SAE1: variants seen among roughly 807,000 people sequenced by gnomAD.
SAE1 encodes the protein SUMO-activating enzyme subunit 1.
Under a neutral mutation model 40.6 loss-of-function variants are expected in SAE1, and 11 were observed. The observed-to-expected ratio is 0.27, with a 90% confidence interval of 0.17 to 0.45. SAE1 has a LOEUF of 0.45. SAE1 is among the 20% of genes least tolerant of loss of function. The pLI, the probability that SAE1 is intolerant of heterozygous loss-of-function variation, is 1.00. For missense variants in SAE1, 373 were observed against 427.3 expected (o/e 0.87, Z 1.12); for synonymous variants, 155 against 154.3 (o/e 1.00, Z -0.03).
At position 47,136,398 on chromosome 19, in the gene SAE1, A is replaced by G. The variant is rs932837619; in HGVS notation, c.98+5370A>G. Reference sequence around the variant, plus strand: ...GGTGATTGGCCCTCCTTGGCCCCCCAAAGTGTTGCAATTACAGGCGTGAGC... The same window carrying G: ...GGTGATTGGCCCTCCTTGGCCCCCCGAAGTGTTGCAATTACAGGCGTGAGC... On this transcript the variant is annotated intron_variant, in intron 1 of 8. Transcript: ENST00000270225. Among the ~76,000 whole-genome samples the G allele has an allele frequency of 5.3e-5, 8 of 151,962 alleles. No individual in the cohort carries two copies. The South Asian group carries it at 6.2e-4, about 12-fold the overall frequency.
At chr19:47,196,333 CTTTTTTTTTTT>C (rs61498882) in intron 6 of SAE1, among the ~76,000 whole-genome samples, 1 of 27,882 alleles carries the variant, frequency 3.6e-5, no homozygotes, top group Non-Finnish European at 5.5e-5. Context: ...CCGCGCCTGG[CTTTTTTTTTTT>C]TTTTTTTTTT....
intron 8 of SAE1, among the ~76,000 whole-genome samples, chr19:47,207,810 AT>A (rs1297751981): frequency 6.6e-6 from 1 of 151,684 alleles, no homozygotes; most frequent in African/African-American, 2.4e-5. Context: ...AATTTTTTTT[AT>A]TTTTTGTAGA....
At chr19:47,142,345 C>G (rs1397182439) in intron 1 of SAE1, among the ~76,000 whole-genome samples, 2 of 150,338 alleles carry the variant, frequency 1.3e-5, no homozygotes, top group African/African-American at 4.9e-5. Context: ...GATCACGCCA[C>G]TGCACTCCAG....
intron 8 of SAE1, 131 bp downstream of exon 8, chr19:47,203,871 C>G (rs1600219815): frequency 1.3e-6 from 1 of 780,600 alleles, no homozygotes. Context: ...ATGCCCTCCC[C>G]ATTTCCACCT....
intron 4 of SAE1, among the ~76,000 whole-genome samples, chr19:47,153,895 C>T (rs972247305): frequency 1.3e-5 from 2 of 150,992 alleles, no homozygotes; most frequent in Non-Finnish European, 2.9e-5. Context: ...GGGTTCAAGC[C>T]ATTCTCCTGC....
chr19:47,181,103 G>C (rs2058503339), intron 6 of SAE1, among the ~76,000 whole-genome samples: 1 of 152,072 alleles, frequency 6.6e-6, no homozygotes, highest in African/African-American at 2.4e-5. Context: ...GATCACCTGA[G>C]GTCGGGAGTT....
chr19:47,150,198 C>G lies in SAE1; in HGVS notation c.211-4C>G. The G allele has an allele frequency of 1.3e-6, 2 of 1,564,690 alleles. No homozygotes were observed. Among genetic ancestry groups the G allele is most frequent in the South Asian group, 2.4e-5 (2 of 83,726 alleles). ...ACTTAAAAAAATATGTGTATTATTCCTAGGTAACTCCAGAAGATCCCGGAG... is the reference window on the plus strand; with the variant it reads ...ACTTAAAAAAATATGTGTATTATTCGTAGGTAACTCCAGAAGATCCCGGAG... On this transcript the variant is annotated splice_region_variant and splice_polypyrimidine_tract_variant and intron_variant, in intron 2 of 8. Transcript: ENST00000270225.
chr19:47,205,741 G>A (rs955529297), intron 8 of SAE1, among the ~76,000 whole-genome samples: 4 of 152,180 alleles, frequency 2.6e-5, no homozygotes, highest in African/African-American at 9.7e-5. Flanking sequence ...TGTTTTTTAC[G>A]TGGATACTCA....
chr19:47,139,848 G>A (rs1053107470), intron 1 of SAE1, among the ~76,000 whole-genome samples: 6 of 146,748 alleles, frequency 4.1e-5, no homozygotes, highest in Non-Finnish European at 6.0e-5. Context: ...TGATCTGCCC[G>A]CCTTGGCCTC....
At position 47,186,978 on chromosome 19, in the gene SAE1, C is replaced by T. The variant is rs569736382; in HGVS notation, c.734-10255C>T. On this transcript the variant is annotated intron_variant, in intron 6 of 8. Transcript: ENST00000270225. ...GGGCAAGGCCTGGGGCTGTCTGGGTCGCTTCTGGGTCCCCACCACAGCTAG... is the reference window on the plus strand; with the variant it reads ...GGGCAAGGCCTGGGGCTGTCTGGGTTGCTTCTGGGTCCCCACCACAGCTAG... 2.0e-5 allele frequency among the ~76,000 whole-genome samples: 3 copies of T among 152,252 alleles called. No individual in the cohort carries two copies. In the South Asian group the frequency reaches 6.2e-4, roughly 32 times the overall value.
rs376857109 is a variant in SAE1 at position 47,193,993 on chromosome 19, C to CT, written c.734-3230dup. Among the ~76,000 whole-genome samples the CT allele has an allele frequency of 1.4e-3, 212 of 148,852 alleles. 2 individuals are homozygous for CT. In the South Asian group the frequency reaches 0.019, roughly 13 times the overall value. On this transcript the variant is annotated intron_variant, in intron 6 of 8. Coordinates refer to ENST00000270225, the MANE Select transcript of SAE1 (RefSeq NM_005500.3). ...AGCATAGCCCAGAAGCAGGGTGTGTCTTTTTTTTTTACCTGGGCATCTGTG... is the reference window on the plus strand; with the variant it reads ...AGCATAGCCCAGAAGCAGGGTGTGTCTTTTTTTTTTTACCTGGGCATCTGTG...
rs1485687254 is a variant in SAE1 at position 47,154,113 on chromosome 19, G to A, written c.528-1001G>A. Among the ~76,000 whole-genome samples, 4 of 151,384 alleles carry A rather than the reference G, an allele frequency of 2.6e-5. No individual in the cohort carries two copies. In the South Asian group the frequency reaches 8.4e-4, roughly 32 times the overall value. ...CGGCTATTATTATTATTTTTGAGAC[G>A]GAGTTTTGCTTTTGTCACCCAGGCT... is the stretch of plus-strand genomic sequence containing the variant. On this transcript the variant is annotated intron_variant, in intron 4 of 8. Transcript: ENST00000270225.
intron 6 of SAE1, among the ~76,000 whole-genome samples, chr19:47,177,667 C>G (rs1220196136): frequency 2.0e-5 from 3 of 152,098 alleles, no homozygotes. Context: ...CTGCCTGGCT[C>G]GTTGTTCTGT....
At chr19:47,178,693 G>A (rs2058485659) in intron 6 of SAE1, among the ~76,000 whole-genome samples, 1 of 152,140 alleles carries the variant, frequency 6.6e-6, no homozygotes, top group Admixed American at 6.5e-5. Context: ...GGCTGGTCTC[G>A]AACTCTTGAC....
intron 8 of SAE1, among the ~76,000 whole-genome samples, chr19:47,206,588 G>A (rs959627345): frequency 6.6e-6 from 1 of 152,130 alleles, no homozygotes; most frequent in Non-Finnish European, 1.5e-5. Context: ...CACCGTCCAC[G>A]GCAGGTCTCC....
In SAE1 at chr19:47,153,024, G is replaced by C. The variant is rs2058296991; in HGVS notation, c.511G>C (p.Glu171Gln). The part of the protein sequence containing the change: ...YHGYTFANLG[E>Q]HEFVEEKTKV... ...TGGATACACATTTGCCAATCTAGGA[G>C]AGCATGAGTTTGTAGAGTAAGTGTT... Residue 171 changes from glutamate (E) to glutamine (Q), a missense_variant, in exon 4 of 9, where the codon GAG becomes CAG. By Grantham distance (29) the Glu-to-Gln change is conservative. This residue lies in a region of SAE1 where 351 missense variants were observed against 390.6 expected (regional missense o/e 0.90). Coordinates refer to ENST00000270225, the MANE Select transcript of SAE1 (RefSeq NM_005500.3). The C allele has an allele frequency of 6.2e-7, 1 of 1,613,028 alleles. No individual in the cohort carries two copies. Among genetic ancestry groups the C allele is most frequent in the Non-Finnish European group, 8.5e-7 (1 of 1,179,580 alleles).
intron 2 of SAE1, among the ~76,000 whole-genome samples, chr19:47,144,925 G>A (rs748396300): frequency 1.3e-5 from 2 of 151,978 alleles, no homozygotes; most frequent in African/African-American, 2.4e-5. Flanking sequence ...TCCGCTTCCC[G>A]GGCTCAAGTG....
intron 2 of SAE1, among the ~76,000 whole-genome samples, chr19:47,145,054 G>A (rs1294680920): frequency 6.6e-6 from 1 of 151,826 alleles, no homozygotes; most frequent in Non-Finnish European, 1.5e-5. Flanking sequence ...CCAGGCTGGA[G>A]TGCAATGGCG....
chr19:47,171,064 T>A lies in SAE1; in HGVS notation c.733+1141T>A, dbSNP rs1387232783. 3.3e-5 allele frequency among the ~76,000 whole-genome samples: 5 copies of A among 151,914 alleles called. No homozygotes were observed. The East Asian group carries it at 9.7e-4, about 29-fold the overall frequency. ...ATCTTGGCTCACTGTAACCTCTGCC[T>A]CCTGGGTTCAAGCGATTCTTCTGCC... On this transcript the variant is annotated intron_variant, in intron 6 of 8. Coordinates refer to ENST00000270225, the MANE Select transcript of SAE1 (RefSeq NM_005500.3).
Sources: allele counts gnomAD v4.1 joint callset (sites outside exome capture counted in the v4.1 genomes callset), GRCh38; gene constraint gnomAD v4.1.1; regional missense constraint gnomAD v4.1.1; transcripts MANE v1.5; gene names NCBI Gene and HGNC (gene_info 2026-07-23, HGNC 2026-07-21).